KCNIP4: variants seen among roughly 807,000 people sequenced by gnomAD.
KCNIP4 encodes the protein potassium voltage-gated channel interacting protein 4, also known as Kv channel-interacting protein 4.
KCNIP4 carries 12 observed loss-of-function variants against 34.0 expected under a neutral mutation model. The ratio of observed to expected loss-of-function variants is 0.35; its 90% confidence interval spans 0.23 to 0.57. The LOEUF is 0.57. KCNIP4 is among the 20% of genes least tolerant of loss of function. The pLI is 0.83. For synonymous variants in KCNIP4, 124 were observed against 102.2 expected (o/e 1.21, Z -1.29); for missense variants, 238 against 311.7 (o/e 0.76, Z 1.78).
At chr4:21,769,976 C>T (rs28679434) in intron 1 of KCNIP4, among the ~76,000 whole-genome samples, 22,571 of 151,966 alleles carry the variant, frequency 0.15, 5,637 homozygotes, top group African/African-American at 0.51. Context: ...TCAATTCATA[C>T]CAGAAGGTTG....
At chr4:21,023,130 A>G (rs1740221538) in intron 1 of KCNIP4, among the ~76,000 whole-genome samples, 1 of 152,160 alleles carries the variant, frequency 6.6e-6, no homozygotes, top group South Asian at 2.1e-4. Flanking sequence ...ATAAAATTTG[A>G]ATAAGAAAAT....
chr4:21,156,813 A>G (rs983110275), intron 1 of KCNIP4, among the ~76,000 whole-genome samples: 2 of 152,058 alleles, frequency 1.3e-5, no homozygotes, highest in Non-Finnish European at 2.9e-5. Context: ...AAACTCCTAT[A>G]TTTTGAGGTG....
intron 1 of KCNIP4, among the ~76,000 whole-genome samples, chr4:21,724,310 CA>C (rs1715034443): frequency 6.6e-6 from 1 of 152,002 alleles, no homozygotes; most frequent in Admixed American, 6.6e-5. Flanking sequence ...TATTCACCCA[CA>C]AAATATTTTC....
In KCNIP4 at chr4:21,618,167, A is replaced by G. The variant is rs551030880; in HGVS notation, c.61+330404T>C. 3.9e-5 allele frequency among the ~76,000 whole-genome samples: 6 copies of G among 152,270 alleles called. No homozygotes were observed. In the South Asian group the frequency reaches 1.2e-3, roughly 32 times the overall value. ...CAGTTCAGTTTGCTGTGGTACTCTA[A>G]ATACTCAGAGGTAATTTTTGATGCT... On this transcript the variant is annotated intron_variant, in intron 1 of 8. Coordinates refer to ENST00000382152, the MANE Select transcript of KCNIP4 (RefSeq NM_025221.6).
intron 1 of KCNIP4, among the ~76,000 whole-genome samples, chr4:21,265,168 C>G (rs1162798849): frequency 3.3e-5 from 5 of 151,626 alleles, no homozygotes; most frequent in African/African-American, 1.2e-4. Flanking sequence ...TTGGAATTCA[C>G]CAATGAAAGA....
At chr4:21,909,813 GA>G (rs2108980267) in intron 1 of KCNIP4, among the ~76,000 whole-genome samples, 1 of 152,166 alleles carries the variant, frequency 6.6e-6, no homozygotes, top group African/African-American at 2.4e-5. Flanking sequence ...CAGGCAAAGG[GA>G]GAATGAGAGC....
chr4:20,795,133 G>C (rs1713282061), intron 3 of KCNIP4, among the ~76,000 whole-genome samples: 2 of 152,118 alleles, frequency 1.3e-5, no homozygotes, highest in South Asian at 4.1e-4. Flanking sequence ...TTTCATAACT[G>C]ATAATGTACA....
At chr4:21,560,215 T>C (rs911917932) in intron 1 of KCNIP4, among the ~76,000 whole-genome samples, 1 of 152,226 alleles carries the variant, frequency 6.6e-6, no homozygotes, top group African/African-American at 2.4e-5. Flanking sequence ...ATGCAAAATG[T>C]TCCTAACTTT....
intron 1 of KCNIP4, among the ~76,000 whole-genome samples, chr4:21,726,663 A>C (rs997598661): frequency 1.3e-5 from 2 of 152,196 alleles, no homozygotes; most frequent in Non-Finnish European, 2.9e-5. Context: ...GTTTTCAGAA[A>C]TAAATCATTT....
intron 1 of KCNIP4, among the ~76,000 whole-genome samples, chr4:21,402,728 A>G (rs911411768): frequency 1.3e-5 from 2 of 151,986 alleles, no homozygotes; most frequent in Non-Finnish European, 2.9e-5. Flanking sequence ...ATGCACAACC[A>G]GGATCTGATC....
At chr4:21,019,465 T>A (rs150520256) in intron 1 of KCNIP4, among the ~76,000 whole-genome samples, 182 of 152,188 alleles carry the variant, frequency 1.2e-3, no homozygotes, top group African/African-American at 3.8e-3. Flanking sequence ...GCCAATAACC[T>A]CATATTAACG....
intron 5 of KCNIP4, among the ~76,000 whole-genome samples, chr4:20,746,608 G>T (rs1752480639): frequency 6.6e-6 from 1 of 152,062 alleles, no homozygotes; most frequent in African/African-American, 2.4e-5. Flanking sequence ...ACAGAGCCAA[G>T]CCCTTTACTG....
chr4:21,519,262 A>G (rs1003372327), intron 1 of KCNIP4, among the ~76,000 whole-genome samples: 2 of 151,826 alleles, frequency 1.3e-5, no homozygotes, highest in African/African-American at 4.8e-5. Context: ...ATACCTTGAG[A>G]AATCAGCCAT....
intron 1 of KCNIP4, among the ~76,000 whole-genome samples, chr4:21,253,021 T>G (rs1760826874): frequency 6.6e-6 from 1 of 152,138 alleles, no homozygotes; most frequent in Non-Finnish European, 1.5e-5. Context: ...ACTTTGAACT[T>G]CTCAGAAGTA....
intron 1 of KCNIP4, among the ~76,000 whole-genome samples, chr4:21,226,389 A>AT (rs1209164768): frequency 2.6e-5 from 4 of 151,604 alleles, no homozygotes; most frequent in African/African-American, 9.7e-5. Context: ...GAAGGAAATA[A>AT]TTCGGTGTCC....
intron 1 of KCNIP4, among the ~76,000 whole-genome samples, chr4:21,208,015 G>C (rs1333568952): frequency 4.6e-5 from 7 of 151,264 alleles, no homozygotes; most frequent in African/African-American, 7.3e-5. Flanking sequence ...CATAATTTTT[G>C]TATTTTTTGT....
At chr4:21,503,751 CATTA>C (rs1429545667) in intron 1 of KCNIP4, among the ~76,000 whole-genome samples, 1 of 152,158 alleles carries the variant, frequency 6.6e-6, no homozygotes, top group Non-Finnish European at 1.5e-5. Flanking sequence ...CATAGTTTAG[CATTA>C]ATTCCCTAGA....
intron 1 of KCNIP4, among the ~76,000 whole-genome samples, chr4:21,642,835 T>C (rs761618480): frequency 5.3e-5 from 8 of 152,052 alleles, no homozygotes; most frequent in Non-Finnish European, 8.8e-5. Context: ...TACTCTACAA[T>C]GGAAATAAGG....
chr4:21,101,743 C>T (rs182548532), intron 1 of KCNIP4, among the ~76,000 whole-genome samples: 1 of 152,024 alleles, frequency 6.6e-6, no homozygotes, highest in African/African-American at 2.4e-5. Context: ...TGCAGTAAAG[C>T]TATTAAAAAC....
Sources: allele counts gnomAD v4.1 joint callset (sites outside exome capture counted in the v4.1 genomes callset), GRCh38; gene constraint gnomAD v4.1.1; transcripts MANE v1.5; gene names NCBI Gene and HGNC (gene_info 2026-07-23, HGNC 2026-07-21).